The following BRPF3 variants were observed in gnomAD, a reference collection of about 807,000 sequenced individuals.
BRPF3 encodes bromodomain and PHD finger-containing protein 3.
A neutral mutation model predicts 102.0 loss-of-function variants in BRPF3; 18 were observed. The ratio of observed to expected loss-of-function variants is 0.18; its 90% confidence interval spans 0.12 to 0.26. The LOEUF (loss-of-function observed/expected upper bound fraction) is 0.26. Among genes scored for constraint, BRPF3 ranks in the 10% least tolerant of loss-of-function variants. The pLI is 1.00. For missense variants in BRPF3, 1,147 were observed against 1,567.8 expected, an observed-to-expected ratio of 0.73 and a Z score of 4.53; for synonymous variants, 570 against 614.2, an observed-to-expected ratio of 0.93 and a Z score of 1.06.
rs1254678350 is a variant in BRPF3, at chr6:36,200,605, T to C, written c.283T>C (p.Ser95Pro). 1.2e-6 allele frequency: 2 copies of C among 1,614,080 alleles called. No homozygotes were observed. The highest frequency in any genetic ancestry group is 2.2e-5 in the East Asian group (1 of 44,872). Residue 95 changes from serine to proline, a missense_variant, in exon 2 of 13, where the codon TCC becomes CCC. This residue lies in a region of BRPF3 where 221 missense variants were observed against 337.1 expected (regional missense o/e 0.66). Transcript: ENST00000357641. This position sits in a 1 kb window ranked among gnomAD's most constrained non-coding sequence, Gnocchi z 5.3. ...CCCTGGCAAGTCCAAGAAACCCTCA[T>C]CCAAGGGCAAAAAGAAGGAATCCTG... ...QFPGKSKKPS[S>P]KGKKKESCSK...
intron 9 of BRPF3, among the ~76,000 whole-genome samples, chr6:36,219,035 A>C (rs181170056): frequency 1.1e-3 from 169 of 152,268 alleles, no homozygotes; most frequent in Non-Finnish European, 2.0e-3. Context: ...CCCACCCATG[A>C]CTGCTGAATG....
chr6:36,221,099 G>A (rs1343170356), intron 9 of BRPF3, among the ~76,000 whole-genome samples: 1 of 152,096 alleles, frequency 6.6e-6, no homozygotes, highest in Non-Finnish European at 1.5e-5. Flanking sequence ...TTTTTGCCCA[G>A]AAGCTACGGT....
intron 11 of BRPF3, 25 bp from the exon 12 acceptor site, chr6:36,228,877 T>G: frequency 6.2e-7 from 1 of 1,613,124 alleles, no homozygotes; most frequent in Non-Finnish European, 8.5e-7. Flanking sequence ...CCTCACTGAG[T>G]GCCCATCTTC....
chr6:36,196,836 G>T lies in BRPF3; in HGVS notation c.-161G>T, dbSNP rs1039490148. The stretch of plus-strand genomic sequence containing the variant: ...GCCGGGGCCCCAGCGCGGGCCGGGA[G>T]GGGGCACGGCGGAGGCCACGGAGGC... On this transcript the variant is annotated 5_prime_UTR_variant, in exon 1 of 13. In the 5' UTR this introduces an upstream ATG that the reference lacks. Coordinates refer to ENST00000357641, the MANE Select transcript of BRPF3 (RefSeq NM_015695.3). 1.3e-5 allele frequency: 2 copies of T among 151,878 alleles called. No homozygotes were observed. The highest frequency in any genetic ancestry group is 2.9e-5 in the Non-Finnish European group (2 of 67,926). The allele number at this position is 151,878 out of a possible 1,614,324, so 9.4% of individuals were successfully genotyped here.
At position 36,201,467 on chromosome 6, in the gene BRPF3, A is replaced by G; in HGVS notation, c.1145A>G (p.Tyr382Cys). The G allele has an allele frequency of 6.2e-7, 1 of 1,614,180 alleles. No individual in the cohort carries two copies. Among genetic ancestry groups the G allele is most frequent in the Non-Finnish European group, 8.5e-7 (1 of 1,180,028 alleles). ...ATCTTTACAGTGCGCAAGACTGCCTACTGTGAGGCCCACTCGCCACCAGGT... is the reference window on the plus strand; with the variant it reads ...ATCTTTACAGTGCGCAAGACTGCCTGCTGTGAGGCCCACTCGCCACCAGGT... ...GTIFTVRKTA[Y>C]CEAHSPPGAA... Residue 382 changes from tyrosine to cysteine, a missense_variant, in exon 2 of 13, where the codon TAC becomes TGC. By Grantham distance (194) the Tyr-to-Cys change is radical. This residue lies in a region of BRPF3 where 157 missense variants were observed against 163.6 expected (regional missense o/e 0.96). Transcript: ENST00000357641. This position sits in a 1 kb window ranked among gnomAD's most constrained non-coding sequence, Gnocchi z 5.1.
At chr6:36,222,747 T>A (rs1768595124) in intron 10 of BRPF3, among the ~76,000 whole-genome samples, 1 of 152,204 alleles carries the variant, frequency 6.6e-6, no homozygotes, top group Non-Finnish European at 1.5e-5. Flanking sequence ...AGTGTCCCAT[T>A]ATATAGGAAT....
intron 10 of BRPF3, among the ~76,000 whole-genome samples, chr6:36,224,621 T>C (rs1312754489): frequency 6.6e-6 from 1 of 152,220 alleles, no homozygotes; most frequent in Non-Finnish European, 1.5e-5. Context: ...CTGGCATCTT[T>C]GTCCATGAAG....
At chr6:36,198,695 C>T (rs545977747) in intron 1 of BRPF3, among the ~76,000 whole-genome samples, 2 of 152,302 alleles carry the variant, frequency 1.3e-5, no homozygotes, top group South Asian at 2.1e-4. Flanking sequence ...GCAACCAAGG[C>T]GATGAATTGT....
intron 4 of BRPF3, 114 bp from the exon 5 acceptor site, chr6:36,209,673 T>A: frequency 7.3e-7 from 1 of 1,365,582 alleles, no homozygotes; most frequent in Non-Finnish European, 1.0e-6. Flanking sequence ...GTCAGCTTAA[T>A]ATTCTATGAA....
chr6:36,210,034 G>A lies in BRPF3; in HGVS notation c.1866+119G>A. 1 of 1,467,344 alleles carries A rather than the reference G, an allele frequency of 6.8e-7. No homozygotes were observed. The highest frequency in any genetic ancestry group is 9.3e-7 in the Non-Finnish European group (1 of 1,075,006). 90.9% of individuals were successfully genotyped at this position (1,467,344 alleles called of 1,614,324 possible). The stretch of plus-strand genomic sequence containing the variant: ...AACCAGGGGTAGGAGGGTGGGTCTG[G>A]CAAAGCTAGTAGACTTGCCCTTGAT... On this transcript the variant is annotated intron_variant, in intron 5 of 12. Coordinates refer to ENST00000357641, the MANE Select transcript of BRPF3 (RefSeq NM_015695.3). The surrounding 1 kb of genome is among the most constrained non-coding windows in gnomAD (Gnocchi z 4.7).
intron 9 of BRPF3, among the ~76,000 whole-genome samples, chr6:36,221,637 A>G (rs1480697591): frequency 6.6e-6 from 1 of 152,200 alleles, no homozygotes; most frequent in Non-Finnish European, 1.5e-5. Flanking sequence ...AACTTCACAC[A>G]TAAACCATTT....
intron 9 of BRPF3, among the ~76,000 whole-genome samples, 183 bp from the exon 10 acceptor site, chr6:36,221,985 A>T (rs919764908): frequency 6.6e-6 from 1 of 152,162 alleles, no homozygotes; most frequent in African/African-American, 2.4e-5. Flanking sequence ...TCAAAACCTC[A>T]TGGGAACTTT....
At position 36,210,673 on chromosome 6, in the gene BRPF3, C is replaced by T; in HGVS notation, c.2179+145C>T. On this transcript the variant is annotated intron_variant, in intron 6 of 12. Transcript: ENST00000357641. This position sits in a 1 kb window ranked among gnomAD's most constrained non-coding sequence, Gnocchi z 4.7. ...AGGGTGAGCACAGACTGAGGTATAC[C>T]TTTGTGGCTAGAATAGTTCTAAGGG... is the stretch of plus-strand genomic sequence containing the variant. 1.4e-6 allele frequency: 1 copy of T among 714,710 alleles called. No homozygotes were observed. The highest frequency in any genetic ancestry group is 2.3e-6 in the Non-Finnish European group (1 of 439,372). The allele number at this position is 714,710 out of a possible 1,614,324, so 44.3% of individuals were successfully genotyped here. A position where few individuals can be genotyped will look rare whatever the true frequency, so the allele number is the denominator to read the frequency against.
In BRPF3 at chr6:36,214,281, T is replaced by C; in HGVS notation, c.2884T>C (p.Ser962Pro). ...CCATGGTGTGGCAGGCTCTCCTGCC[T>C]CTCCAGCCAGCATCGAGGAAGAGCG... The part of the protein sequence containing the change: ...EDHGVAGSPA[S>P]PASIEEERHS... Residue 962 changes from serine (S) to proline (P), a missense_variant, in exon 8 of 13, where the codon TCT (serine) becomes CCT (proline). By Grantham distance (74) the Ser-to-Pro change is moderately conservative. Transcript: ENST00000357641. 1 of 1,613,896 alleles carries C rather than the reference T, an allele frequency of 6.2e-7. No homozygotes were observed. Among genetic ancestry groups the C allele is most frequent in the Non-Finnish European group, 8.5e-7 (1 of 1,180,014 alleles).
chr6:36,225,246 C>T lies in BRPF3; in HGVS notation c.3182-21C>T, dbSNP rs1177761194. 3 of 1,598,470 alleles carry T rather than the reference C, an allele frequency of 1.9e-6. No individual in the cohort carries two copies. In the East Asian group the frequency reaches 6.7e-5, roughly 36 times the overall value. Reference sequence around the variant, plus strand: ...TCCAAGTCCCCTTTGGGTGCTGTCTCCTCCCCTCCCCCACCCCCAGGCAGA... The same window carrying T: ...TCCAAGTCCCCTTTGGGTGCTGTCTTCTCCCCTCCCCCACCCCCAGGCAGA... On this transcript the variant is annotated intron_variant, in intron 10 of 12. Transcript: ENST00000357641.
chr6:36,215,821 C>T (rs1170043916), intron 8 of BRPF3, among the ~76,000 whole-genome samples: 1 of 151,480 alleles, frequency 6.6e-6, no homozygotes, highest in African/African-American at 2.4e-5. Flanking sequence ...CTTTGAATGC[C>T]GGGCAGACTA....
chr6:36,217,155 G>A (rs1401209200), intron 8 of BRPF3, among the ~76,000 whole-genome samples: 7 of 152,154 alleles, frequency 4.6e-5, no homozygotes, highest in Non-Finnish European at 1.0e-4. Context: ...ACTATAAACA[G>A]ACCTTCTCTC....
intron 4 of BRPF3, among the ~76,000 whole-genome samples, chr6:36,207,710 A>AGAG (rs1767954728): frequency 6.6e-6 from 1 of 152,190 alleles, no homozygotes; most frequent in South Asian, 2.1e-4. Flanking sequence ...TTTCTGATTC[A>AGAG]GGAAGTCTCT....
At chr6:36,212,911 C>G (rs947322348) in intron 7 of BRPF3, among the ~76,000 whole-genome samples, 5 of 152,068 alleles carry the variant, frequency 3.3e-5, no homozygotes, top group Admixed American at 1.3e-4. Context: ...CGAGATTGCG[C>G]CACTGTAGTC....
Sources: gnomAD v4.1 joint callset for allele counts (sites outside exome capture counted in the v4.1 genomes callset) on GRCh38, gnomAD v4.1.1 for gene constraint, gnomAD v4.1.1 regional missense constraint, Gnocchi (gnomAD v3.1) non-coding constraint, MANE v1.5 for transcripts, NCBI Gene and HGNC (gene_info 2026-07-23, HGNC 2026-07-21) for gene names.